Variants in FSTL5 observed in about 807,000 individuals in gnomAD.
FSTL5 encodes follistatin like 5.
In FSTL5, 62 loss-of-function variants were observed where a neutral mutation model predicts 89.1. That is an observed-to-expected ratio of 0.70 (90% CI 0.57 to 0.86). The LOEUF is 0.86. Ranked by LOEUF, FSTL5 falls within the 40% of genes least tolerant of loss-of-function variation. The probability of loss-of-function intolerance (pLI) is 0.00; values close to 1 mark genes in which losing one functional copy is unlikely to be tolerated. For missense variants in FSTL5, 1,057 were observed against 1,001.6 expected, an observed-to-expected ratio of 1.06 and a Z score of -0.75; for synonymous variants, 383 against 346.2, an observed-to-expected ratio of 1.11 and a Z score of -1.18.
chr4:161,407,014 C>G (rs557308321), intron 15 of FSTL5, among the ~76,000 whole-genome samples: 1 of 152,080 alleles, frequency 6.6e-6, no homozygotes, highest in South Asian at 2.1e-4. Context: ...CTAGTACTGT[C>G]TTTTTTGTAG....
At chr4:161,710,671 GA>G (rs1161141863) in intron 6 of FSTL5, among the ~76,000 whole-genome samples, 4 of 152,160 alleles carry the variant, frequency 2.6e-5, no homozygotes, top group South Asian at 2.1e-4. Flanking sequence ...TTGTGCAAAA[GA>G]AAAAAATATC....
At chr4:161,590,041 TAA>T (rs1429360717) in intron 7 of FSTL5, among the ~76,000 whole-genome samples, 5 of 152,080 alleles carry the variant, frequency 3.3e-5, no homozygotes, top group Admixed American at 1.3e-4. Flanking sequence ...AGCTCACCAC[TAA>T]GAGTGAATCC....
At chr4:161,998,009 C>A (rs187014635) in intron 3 of FSTL5, among the ~76,000 whole-genome samples, 1 of 152,192 alleles carries the variant, frequency 6.6e-6, no homozygotes, top group East Asian at 1.9e-4. Context: ...GCCACAATGG[C>A]CTCAAATGCC....
chr4:162,111,370 C>G lies in FSTL5; in HGVS notation c.27G>C (p.Leu9Phe). Reference protein sequence around the residue: MFKCWSVVLVLGFIFLESE... With the variant: MFKCWSVVFVLGFIFLESE... ...ACTCCAGAAAAATGAATCCGAGAAC[C>G]AAGACAACTGACCAGCACTTAAACA... Residue 9 changes from leucine to phenylalanine, a missense_variant, in exon 2 of 16, where the codon TTG (leucine) becomes TTC (phenylalanine). This residue lies in a region of FSTL5 where 980 missense variants were observed against 903.2 expected (regional missense o/e 1.08). Transcript: ENST00000306100. The G allele has an allele frequency of 6.2e-7, 1 of 1,612,242 alleles. No homozygotes were observed. The highest frequency in any genetic ancestry group is 8.5e-7 in the Non-Finnish European group (1 of 1,178,778).
intron 1 of FSTL5, among the ~76,000 whole-genome samples, chr4:162,112,775 T>TCA (rs71598742): frequency 0.044 from 6,147 of 139,320 alleles, 145 homozygotes; most frequent in African/African-American, 0.068. Flanking sequence ...ACCGACACAA[T>TCA]CACACACACA....
intron 15 of FSTL5, among the ~76,000 whole-genome samples, chr4:161,425,974 AG>A (rs1732155619): frequency 6.6e-6 from 1 of 152,004 alleles, no homozygotes. Context: ...ATAGAAAAAA[AG>A]GACAGATTAT....
chr4:162,038,057 G>A (rs1417489805), intron 2 of FSTL5, among the ~76,000 whole-genome samples: 1 of 151,850 alleles, frequency 6.6e-6, no homozygotes, highest in Non-Finnish European at 1.5e-5. Context: ...CGATTCATTT[G>A]AAAAACATTC....
chr4:161,744,191 C>T, intron 6 of FSTL5, among the ~76,000 whole-genome samples: 1 of 151,972 alleles, frequency 6.6e-6, no homozygotes, highest in Non-Finnish European at 1.5e-5. Context: ...GGAATGAGCA[C>T]ATCACTATGA....
intron 6 of FSTL5, among the ~76,000 whole-genome samples, chr4:161,687,194 T>C (rs1737776573): frequency 6.6e-6 from 1 of 152,220 alleles, no homozygotes; most frequent in Non-Finnish European, 1.5e-5. Context: ...GAACAATGGC[T>C]AGTGACATTT....
chr4:162,083,589 A>C (rs774095967), intron 2 of FSTL5, among the ~76,000 whole-genome samples: 6 of 151,834 alleles, frequency 4.0e-5, no homozygotes, highest in Non-Finnish European at 5.9e-5. Context: ...CCTGGAAAAC[A>C]AGATTTTCAA....
intron 10 of FSTL5, among the ~76,000 whole-genome samples, chr4:161,513,748 A>T (rs1376356233): frequency 6.6e-6 from 1 of 152,186 alleles, no homozygotes; most frequent in Non-Finnish European, 1.5e-5. Context: ...CATTAAAAGA[A>T]ATACCACATG....
At chr4:161,563,053 G>C (rs944248929) in intron 8 of FSTL5, among the ~76,000 whole-genome samples, 1 of 151,926 alleles carries the variant, frequency 6.6e-6, no homozygotes, top group African/African-American at 2.4e-5. Flanking sequence ...TGGGCTACAA[G>C]GTCACATGGT....
intron 4 of FSTL5, among the ~76,000 whole-genome samples, chr4:161,824,931 T>G (rs1730619817): frequency 6.6e-6 from 1 of 152,186 alleles, no homozygotes; most frequent in Non-Finnish European, 1.5e-5. Context: ...AGTACTATGT[T>G]GAATAGAACT....
chr4:161,471,432 T>C (rs1032507498), intron 13 of FSTL5, among the ~76,000 whole-genome samples: 2 of 152,222 alleles, frequency 1.3e-5, no homozygotes, highest in African/African-American at 2.4e-5. Flanking sequence ...GATGTAGTTA[T>C]GTGCTGCTGA....
At chr4:161,641,514 T>G (rs977781132) in intron 7 of FSTL5, among the ~76,000 whole-genome samples, 2 of 150,968 alleles carry the variant, frequency 1.3e-5, no homozygotes, top group African/African-American at 2.4e-5. Context: ...GTTTTGTTTT[T>G]TTTTTTGAGA....
intron 7 of FSTL5, among the ~76,000 whole-genome samples, chr4:161,617,741 A>T (rs1382433135): frequency 6.6e-6 from 1 of 152,236 alleles, no homozygotes; most frequent in Non-Finnish European, 1.5e-5. Flanking sequence ...TAACTCATTC[A>T]TAGAAAGGAA....
At chr4:161,672,706 TA>T (rs61459217) in intron 6 of FSTL5, among the ~76,000 whole-genome samples, 2,750 of 132,816 alleles carry the variant, frequency 0.021, 41 homozygotes, top group African/African-American at 0.054. Flanking sequence ...TCTAAGAAAT[TA>T]AAAAAAAAAA....
chr4:161,660,092 C>G (rs541275386), intron 6 of FSTL5, among the ~76,000 whole-genome samples: 3 of 152,272 alleles, frequency 2.0e-5, no homozygotes, highest in South Asian at 4.1e-4. Flanking sequence ...TTTGCCTCCT[C>G]TTAGAAGCAC....
chr4:162,089,269 C>T (rs1025583478), intron 2 of FSTL5, among the ~76,000 whole-genome samples: 41 of 151,966 alleles, frequency 2.7e-4, no homozygotes, highest in Admixed American at 2.7e-3. Context: ...AGCAAAACAC[C>T]GACTAAGACA....
Sources: allele counts gnomAD v4.1 joint callset (sites outside exome capture counted in the v4.1 genomes callset), GRCh38; gene constraint gnomAD v4.1.1; regional missense constraint gnomAD v4.1.1; transcripts MANE v1.5; gene names NCBI Gene and HGNC (gene_info 2026-07-23, HGNC 2026-07-21).